Variants in ARSG observed in about 807,000 individuals in gnomAD.
The protein encoded by ARSG is ASG.
ARSG carries 37 observed loss-of-function variants against 50.5 expected under a neutral mutation model. That is an observed-to-expected ratio of 0.73 (90% CI 0.56 to 0.96). The LOEUF is 0.96. ARSG is among the 50% of genes least tolerant of loss of function. ARSG has a pLI of 0.00. For missense variants in ARSG, 629 were observed against 675.3 expected, an observed-to-expected ratio of 0.93 and a Z score of 0.76; for synonymous variants, 225 against 254.6, an observed-to-expected ratio of 0.88 and a Z score of 1.11.
chr17:68,336,052 C>T (rs1428385906), intron 2 of ARSG, among the ~76,000 whole-genome samples: 3 of 152,014 alleles, frequency 2.0e-5, no homozygotes, highest in Non-Finnish European at 2.9e-5. Context: ...ACACCCACCA[C>T]CACACCTGGC....
At chr17:68,424,516 T>A (rs994692593), downstream of ARSG, 2 of 534,266 alleles carry the variant, frequency 3.7e-6, no homozygotes, top group Non-Finnish European at 7.7e-6. Flanking sequence ...CTAATGGACA[T>A]TGTTTCAGTG....
intron 10 of ARSG, among the ~76,000 whole-genome samples, chr17:68,397,099 T>C (rs1327002980): frequency 6.6e-6 from 1 of 152,206 alleles, no homozygotes; most frequent in Non-Finnish European, 1.5e-5. Flanking sequence ...ACTAACTTCC[T>C]TTCTCAGACG....
At chr17:68,290,663 G>T (rs561282381), upstream of ARSG, among the ~76,000 whole-genome samples, 3 of 152,334 alleles carry the variant, frequency 2.0e-5, no homozygotes, top group East Asian at 5.8e-4. Context: ...GCCAGCCTGG[G>T]GTAGGAAGGT....
chr17:68,359,131 C>G (rs1032143877), intron 6 of ARSG, among the ~76,000 whole-genome samples: 5 of 152,126 alleles, frequency 3.3e-5, no homozygotes, highest in African/African-American at 1.2e-4. Flanking sequence ...CCACTGCACT[C>G]CAGCCTGGGC....
At chr17:68,346,999 C>T in intron 3 of ARSG, 126 bp from the exon 4 acceptor site, 1 of 1,548,020 alleles carries the variant, frequency 6.5e-7, no homozygotes, top group Non-Finnish European at 8.8e-7. Context: ...CACATTGCAG[C>T]TTCTTTTGGC....
chr17:68,435,568 C>A, the ARSG span: 10 of 1,569,134 alleles, frequency 6.4e-6, no homozygotes, highest in Non-Finnish European at 7.9e-6. Context: ...CTGCGCACGG[C>A]AGGAGCCATC....
chr17:68,431,548 G>T, the ARSG span, among the ~76,000 whole-genome samples: 2,033 of 152,244 alleles, frequency 0.013, 40 homozygotes, highest in African/African-American at 0.046. Context: ...CTGAGGAGGA[G>T]GTGTCATGTT....
intron 2 of ARSG, among the ~76,000 whole-genome samples, chr17:68,316,827 G>T (rs2077086859): frequency 2.0e-5 from 3 of 152,082 alleles, no homozygotes; most frequent in Admixed American, 1.3e-4. Context: ...CCTCTGGCTG[G>T]AGGGTGAGGC....
At chr17:68,448,921 T>A in the ARSG span, among the ~76,000 whole-genome samples, 1 of 152,220 alleles carries the variant, frequency 6.6e-6, no homozygotes, top group Non-Finnish European at 1.5e-5. Flanking sequence ...TTCTTACTCC[T>A]GCTACTCCCT....
chr17:68,392,499 A>T (rs1388017327), intron 9 of ARSG, among the ~76,000 whole-genome samples: 2 of 151,768 alleles, frequency 1.3e-5, no homozygotes, highest in Non-Finnish European at 2.9e-5. Context: ...CGCTATTTTT[A>T]TTTATTTATT....
rs2081385539 is a variant in ARSG, at chr17:68,399,530, T to G, written c.1213-1830T>G. Among the ~76,000 whole-genome samples the G allele has an allele frequency of 6.6e-6, 1 of 152,234 alleles. No individual in the cohort carries two copies. Among genetic ancestry groups the G allele is most frequent in the African/African-American group, 2.4e-5 (1 of 41,462 alleles). On this transcript the variant is annotated intron_variant, in intron 10 of 11. Coordinates refer to ENST00000621439, the MANE Select transcript of ARSG (RefSeq NM_001267727.2). This position sits in a 1 kb window ranked among gnomAD's most constrained non-coding sequence, Gnocchi z 4.6. ...GTGATTCATGTGTACTTTTGACAGC[T>G]TCCTTCCTATATTGATATAAACAAG...
the ARSG span, chr17:68,450,630 A>C: frequency 9.0e-6 from 13 of 1,445,196 alleles, no homozygotes; most frequent in Non-Finnish European, 1.2e-5. Flanking sequence ...TTAGAATTGG[A>C]AGCTTGTTTT....
At chr17:68,314,555 C>G (rs1555767878) in intron 2 of ARSG, among the ~76,000 whole-genome samples, 1 of 148,156 alleles carries the variant, frequency 6.7e-6, no homozygotes, top group African/African-American at 2.5e-5. Flanking sequence ...ATTAAGTAAT[C>G]TGTAAACCAG....
intron 2 of ARSG, among the ~76,000 whole-genome samples, chr17:68,340,433 T>C (rs553864300): frequency 1.2e-4 from 19 of 152,080 alleles, no homozygotes; most frequent in Non-Finnish European, 2.8e-4. Context: ...CACAGGCGTG[T>C]GCCACCATGT....
At chr17:68,260,490 A>G (rs1360878101) in intron 1 of ARSG, among the ~76,000 whole-genome samples, 5 of 152,004 alleles carry the variant, frequency 3.3e-5, no homozygotes, top group Non-Finnish European at 5.9e-5. Flanking sequence ...GAGAGGTGCA[A>G]TATTTATTTA....
chr17:68,324,413 C>T (rs948593422), intron 2 of ARSG, among the ~76,000 whole-genome samples: 1 of 152,226 alleles, frequency 6.6e-6, no homozygotes, highest in African/African-American at 2.4e-5. Context: ...CAGCCAAAGA[C>T]TGGCTCCTGT....
chr17:68,379,111 A>G (rs187052411), intron 8 of ARSG, among the ~76,000 whole-genome samples: 1 of 152,134 alleles, frequency 6.6e-6, no homozygotes, highest in Non-Finnish European at 1.5e-5. Context: ...TCCCATACTC[A>G]GGGCCACCCC....
chr17:68,420,606 T>G lies in ARSG; in HGVS notation c.*143T>G. ...TGGAGTTAGCCTTGCATATCCCTTC[T>G]GTATCCTGTCCCTCCTCCACGCCGA... is the stretch of plus-strand genomic sequence containing the variant. On this transcript the variant is annotated 3_prime_UTR_variant, in exon 12 of 12. Transcript: ENST00000621439. The G allele has an allele frequency of 1.0e-6, 1 of 984,206 alleles. No homozygotes were observed. The highest frequency in any genetic ancestry group is 2.4e-5 in the East Asian group (1 of 41,088). 61.0% of individuals were successfully genotyped at this position (984,206 alleles called of 1,614,324 possible). A position where few individuals can be genotyped will look rare whatever the true frequency, so the allele number is the denominator to read the frequency against.
chr17:68,433,760 G>GTTTTTTTTTTTTTTTT, the ARSG span, among the ~76,000 whole-genome samples: 4 of 72,822 alleles, frequency 5.5e-5, no homozygotes, highest in African/African-American at 2.0e-4. Flanking sequence ...AAGGGTCATA[G>GTTTTTTTTTTTTTTTT]TTTTTTTTTT....
Sources: gnomAD v4.1 joint callset for allele counts (sites outside exome capture counted in the v4.1 genomes callset) on GRCh38, gnomAD v4.1.1 for gene constraint, Gnocchi (gnomAD v3.1) non-coding constraint, MANE v1.5 for transcripts, NCBI Gene and HGNC (gene_info 2026-07-23, HGNC 2026-07-21) for gene names.